USP22: variants seen among roughly 807,000 people sequenced by gnomAD.
USP22 encodes ubiquitin carboxyl-terminal hydrolase 22.
A neutral mutation model predicts 68.1 loss-of-function variants in USP22; 22 were observed. The observed-to-expected ratio is 0.32, with a 90% confidence interval of 0.23 to 0.46. USP22 has a LOEUF of 0.46. Ranked by LOEUF, USP22 falls within the 20% of genes least tolerant of loss-of-function variation. The pLI is 1.00. For missense variants in USP22, 433 were observed against 695.8 expected, an observed-to-expected ratio of 0.62 and a Z score of 4.25; for synonymous variants, 279 against 274.2, an observed-to-expected ratio of 1.02 and a Z score of -0.17.
intron 4 of USP22, among the ~76,000 whole-genome samples, chr17:21,018,870 GC>G: frequency 6.6e-6 from 1 of 152,308 alleles, no homozygotes; most frequent in East Asian, 1.9e-4. Flanking sequence ...GGCTGTGAGG[GC>G]AGGGCTGTTG....
chr17:21,021,466 A>T (rs1407934173), intron 2 of USP22, among the ~76,000 whole-genome samples: 1 of 152,184 alleles, frequency 6.6e-6, no homozygotes, highest in Non-Finnish European at 1.5e-5. Context: ...GGCGACCCAT[A>T]CATACTTTTC....
In USP22 at chr17:21,006,065, T is replaced by C. The variant is rs115581409; in HGVS notation, c.1322+831A>G. On this transcript the variant is annotated intron_variant, in intron 10 of 12. Transcript: ENST00000261497. ...GTGAGGAATGGAATCCCCAAGACCC[T>C]TGTAGGACATGGAGCCCTGCCAACA... Among the ~76,000 whole-genome samples, 430 of 152,322 alleles carry C rather than the reference T, an allele frequency of 2.8e-3. 3 individuals are homozygous for C. Among genetic ancestry groups the C allele is most frequent in the African/African-American group, 1.0e-2 (414 of 41,574 alleles).
rs139259078 is a variant in USP22, at chr17:21,022,443, T to C, written c.305-1217A>G. On this transcript the variant is annotated intron_variant, in intron 2 of 12. Coordinates refer to ENST00000261497, the MANE Select transcript of USP22 (RefSeq NM_015276.2). ...GCTCTTAATTATTTTATCATAAAAG[T>C]AAGTAAGATAAAGTCCTCTGAGTGC... Among the ~76,000 whole-genome samples the C allele has an allele frequency of 3.1e-3, 477 of 152,236 alleles. 1 individual carries two copies. The highest frequency in any genetic ancestry group is 7.5e-3 in the South Asian group (36 of 4,818).
chr17:21,043,025 C>G, upstream of USP22: 1 of 305,046 alleles, frequency 3.3e-6, no homozygotes, highest in Non-Finnish European at 5.9e-6. Flanking sequence ...GGCACCGCCC[C>G]CGAGCTGCGG....
At chr17:21,003,768 T>C (rs1913676407) in intron 12 of USP22, among the ~76,000 whole-genome samples, 1 of 150,316 alleles carries the variant, frequency 6.7e-6, no homozygotes, top group African/African-American at 2.4e-5. Context: ...GGCGTGATGG[T>C]GCATGCCTAT....
chr17:21,032,138 T>A (rs1972298369), intron 1 of USP22, among the ~76,000 whole-genome samples: 1 of 148,590 alleles, frequency 6.7e-6, no homozygotes, highest in Admixed American at 6.6e-5. Context: ...TTCAACTGCC[T>A]ACAGTGTTCA....
chr17:21,021,276 A>G (rs1304444597), intron 2 of USP22, 50 bp from the exon 3 acceptor site: 5 of 1,292,510 alleles, frequency 3.9e-6, no homozygotes, highest in African/African-American at 2.9e-5. Context: ...AAAAACCACA[A>G]TGGAAGGCTG....
At chr17:21,010,470 A>T (rs1042054529) in intron 8 of USP22, among the ~76,000 whole-genome samples, 3 of 152,002 alleles carry the variant, frequency 2.0e-5, no homozygotes, top group Non-Finnish European at 4.4e-5. Flanking sequence ...TGATATCACG[A>T]GTTCGAGACT....
Position 21,036,796 on chromosome 17 carries a change from G to GC in USP22, c.171+5868dup, listed in dbSNP as rs147675864. On this transcript the variant is annotated intron_variant, in intron 1 of 12. Transcript: ENST00000261497. The stretch of plus-strand genomic sequence containing the variant: ...TCAAATTACAGACGTGTATATGCAC[G>GC]CATTTGTATATACACACCTGTTTCC... 3.0e-3 allele frequency among the ~76,000 whole-genome samples: 458 copies of GC among 152,234 alleles called. 1 individual carries two copies. Among genetic ancestry groups the GC allele is most frequent in the Non-Finnish European group, 4.7e-3 (318 of 68,010 alleles).
chr17:21,002,469 C>A lies in USP22; in HGVS notation c.*562G>T, dbSNP rs144190356. ...CCTGCAGAACAGACACGCTTGAAAA[C>A]GCGACGTAGTGTCCGTACTTCCGAA... On this transcript the variant is annotated 3_prime_UTR_variant, in exon 13 of 13. Transcript: ENST00000261497. The A allele has an allele frequency of 6.5e-6, 1 of 153,164 alleles. No individual in the cohort carries two copies. Among genetic ancestry groups the A allele is most frequent in the Non-Finnish European group, 1.5e-5 (1 of 68,774 alleles). 9.5% of individuals were successfully genotyped at this position (153,164 alleles called of 1,614,324 possible).
intron 1 of USP22, among the ~76,000 whole-genome samples, chr17:21,039,419 A>C (rs796441936): frequency 6.6e-6 from 1 of 151,920 alleles, no homozygotes; most frequent in East Asian, 2.0e-4. Context: ...CTCTACGAAA[A>C]ATACAAAATT....
At position 20,999,726 on chromosome 17, in the gene USP22, C is replaced by G. The variant is rs1361926719; in HGVS notation, c.*3305G>C. The G allele has an allele frequency of 6.6e-6, 1 of 152,182 alleles. No homozygotes were observed. The highest frequency in any genetic ancestry group is 1.5e-5 in the Non-Finnish European group (1 of 68,034). The allele number at this position is 152,182 out of a possible 1,614,324, so 9.4% of individuals were successfully genotyped here. ...CATCTTGGTAAATAAAGTCTCCAAC[C>G]ACAGCACAGTCATTGGAATTTTTTT... is the stretch of plus-strand genomic sequence containing the variant. On this transcript the variant is annotated 3_prime_UTR_variant, in exon 13 of 13. Transcript: ENST00000261497.
At chr17:21,021,711 T>C (rs1221320640) in intron 2 of USP22, among the ~76,000 whole-genome samples, 1 of 152,150 alleles carries the variant, frequency 6.6e-6, no homozygotes, top group Non-Finnish European at 1.5e-5. Context: ...AGGGGGAAAA[T>C]AGTTTCTCAT....
intron 8 of USP22, among the ~76,000 whole-genome samples, chr17:21,010,013 C>T (rs1913903462): frequency 6.6e-6 from 1 of 150,666 alleles, no homozygotes; most frequent in Non-Finnish European, 1.5e-5. Flanking sequence ...CATGGTGGCA[C>T]ACACCTATAG....
At chr17:21,041,407 G>A (rs1282415475) in intron 1 of USP22, among the ~76,000 whole-genome samples, 1 of 151,696 alleles carries the variant, frequency 6.6e-6, no homozygotes, top group Non-Finnish European at 1.5e-5. Flanking sequence ...AGACCAGCCT[G>A]GCCAACATGG....
At chr17:21,007,010 G>A in intron 9 of USP22, 23 bp from the exon 10 acceptor site, 1 of 1,566,942 alleles carries the variant, frequency 6.4e-7, no homozygotes, top group Non-Finnish European at 8.7e-7. Context: ...GAAGGGGACA[G>A]AGGGAAGAGG....
At chr17:21,005,460 G>A (rs113876805) in intron 10 of USP22, among the ~76,000 whole-genome samples, 6 of 152,208 alleles carry the variant, frequency 3.9e-5, no homozygotes, top group Non-Finnish European at 5.9e-5. Flanking sequence ...ATGGGGGAGA[G>A]GAGTGCTGGG....
At chr17:21,008,807 T>C (rs375220846) in intron 8 of USP22, among the ~76,000 whole-genome samples, 1 of 151,708 alleles carries the variant, frequency 6.6e-6, no homozygotes, top group East Asian at 1.9e-4. Flanking sequence ...AGGTGAGAGG[T>C]CGGCCAGGTG....
chr17:21,021,051 C>G, intron 3 of USP22, 62 bp downstream of exon 3: 1 of 1,347,558 alleles, frequency 7.4e-7, no homozygotes. Context: ...CCTACTGGGT[C>G]TGCCCTTGAT....
Sources: gnomAD v4.1 joint callset for allele counts (sites outside exome capture counted in the v4.1 genomes callset) on GRCh38, gnomAD v4.1.1 for gene constraint, MANE v1.5 for transcripts, NCBI Gene and HGNC (gene_info 2026-07-23, HGNC 2026-07-21) for gene names.